Variants in CHST12 observed in about 807,000 individuals in gnomAD.
CHST12 encodes the protein carbohydrate sulfotransferase 12, also known as carbohydrate (chondroitin 4) sulfotransferase 12.
In CHST12, 23 loss-of-function variants were observed where a neutral mutation model predicts 27.9. The observed-to-expected ratio is 0.82, with a 90% confidence interval of 0.59 to 1.17. CHST12 has a LOEUF of 1.17. Among genes scored for constraint, CHST12 ranks in the 50% most tolerant of loss-of-function variants. CHST12 has a pLI of 0.00. For missense variants in CHST12, 682 were observed against 603.0 expected (o/e 1.13, Z -1.37); for synonymous variants, 322 against 273.0 (o/e 1.18, Z -1.77).
At chr7:2,405,140 T>G (rs1253404612) in intron 1 of CHST12, among the ~76,000 whole-genome samples, 1 of 151,952 alleles carries the variant, frequency 6.6e-6, no homozygotes, top group Non-Finnish European at 1.5e-5. Context: ...GTTTGAGGAT[T>G]GGGTTGGAAG....
chr7:2,426,133 G>A (rs1438399618), intron 1 of CHST12, among the ~76,000 whole-genome samples: 2 of 152,162 alleles, frequency 1.3e-5, no homozygotes, highest in Admixed American at 6.6e-5. Context: ...CTGTGGGGAC[G>A]AATATTCAGG....
At chr7:2,425,594 G>A (rs1459263421) in intron 1 of CHST12, among the ~76,000 whole-genome samples, 1 of 152,176 alleles carries the variant, frequency 6.6e-6, no homozygotes, top group African/African-American at 2.4e-5. Context: ...GTGAGCACAG[G>A]TGGTGAGTCA....
chr7:2,404,749 G>A (rs1781478434), intron 1 of CHST12, among the ~76,000 whole-genome samples: 1 of 152,258 alleles, frequency 6.6e-6, no homozygotes, highest in Admixed American at 6.5e-5. Context: ...GCCTGGAATG[G>A]CATAGATGTT....
At chr7:2,405,466 C>T (rs1247863530) in intron 1 of CHST12, among the ~76,000 whole-genome samples, 1 of 152,104 alleles carries the variant, frequency 6.6e-6, no homozygotes, top group African/African-American at 2.4e-5. Flanking sequence ...TCTGATTGTG[C>T]AGGGGCCTGA....
intron 1 of CHST12, among the ~76,000 whole-genome samples, chr7:2,423,781 C>G (rs1782037978): frequency 6.6e-6 from 1 of 152,182 alleles, no homozygotes; most frequent in Non-Finnish European, 1.5e-5. Context: ...ATTACTCTTG[C>G]CATTGAAAAA....
intron 1 of CHST12, among the ~76,000 whole-genome samples, chr7:2,414,152 T>C (rs1264413715): frequency 1.3e-5 from 2 of 152,230 alleles, no homozygotes; most frequent in East Asian, 3.8e-4. Flanking sequence ...TGCTTATTTT[T>C]TAATTGGGTT....
chr7:2,415,171 C>T (rs1240955259), intron 1 of CHST12, among the ~76,000 whole-genome samples: 2 of 152,116 alleles, frequency 1.3e-5, no homozygotes, highest in Admixed American at 6.6e-5. Context: ...TCAAGACCAG[C>T]CTGGCCAACA....
intron 1 of CHST12, among the ~76,000 whole-genome samples, chr7:2,405,092 G>C (rs1328030546): frequency 1.3e-5 from 2 of 152,170 alleles, no homozygotes. Flanking sequence ...GTGATGTTTG[G>C]GGGAGATGGT....
rs935145467 is a variant in CHST12, at chr7:2,437,793, C to G, written c.*3909C>G. 3 of 152,244 alleles carry G rather than the reference C, an allele frequency of 2.0e-5. No homozygotes were observed. The highest frequency in any genetic ancestry group is 4.4e-5 in the Non-Finnish European group (3 of 68,134). 9.4% of individuals were successfully genotyped at this position (152,244 alleles called of 1,614,324 possible). A position where few individuals can be genotyped will look rare whatever the true frequency, so the allele number is the denominator to read the frequency against. ...ACACATCGGGATATTTTTCTTGTTT[C>G]CTTCTTCCAGAGGGTGTAGGAGTTG... On this transcript the variant is annotated 3_prime_UTR_variant, in exon 2 of 2. Transcript: ENST00000618655.
chr7:2,440,796 G>A lies in CHST12; in HGVS notation c.*6912G>A, dbSNP rs1035492970. ...AAAGATCTGGAGGTTGCACAATCCT[G>A]TGTCATTCTGGATTTATCTTGGGGT... On this transcript the variant is annotated 3_prime_UTR_variant, in exon 2 of 2. Coordinates refer to ENST00000618655, the MANE Select transcript of CHST12 (RefSeq NM_018641.5). The A allele has an allele frequency of 1.3e-5, 2 of 152,222 alleles. No homozygotes were observed. The highest frequency in any genetic ancestry group is 2.1e-4 in the South Asian group (1 of 4,826). The allele number at this position is 152,222 out of a possible 1,614,324, so 9.4% of individuals were successfully genotyped here.
chr7:2,423,271 TC>T (rs1782023151), intron 1 of CHST12, among the ~76,000 whole-genome samples: 1 of 151,488 alleles, frequency 6.6e-6, no homozygotes, highest in Non-Finnish European at 1.5e-5. Flanking sequence ...AGACTCCATC[TC>T]AAAAAAAATA....
At position 2,441,348 on chromosome 7, in the gene CHST12, A is replaced by C. The variant is rs1000746453; in HGVS notation, c.*7464A>C. On this transcript the variant is annotated 3_prime_UTR_variant, in exon 2 of 2. Transcript: ENST00000618655. Reference sequence around the variant, plus strand: ...TGGGCTGGAGTTCATCTTTTAGGCAAATTTGGAATAGGAACCTTAAAAATG... The same window carrying C: ...TGGGCTGGAGTTCATCTTTTAGGCACATTTGGAATAGGAACCTTAAAAATG... 3 of 152,140 alleles carry C rather than the reference A, an allele frequency of 2.0e-5. No individual in the cohort carries two copies. The highest frequency in any genetic ancestry group is 7.2e-5 in the African/African-American group (3 of 41,430). The allele number at this position is 152,140 out of a possible 1,614,324, so 9.4% of individuals were successfully genotyped here.
At chr7:2,415,458 T>C (rs1004405816) in intron 1 of CHST12, among the ~76,000 whole-genome samples, 1 of 152,212 alleles carries the variant, frequency 6.6e-6, no homozygotes, top group African/African-American at 2.4e-5. Context: ...ATACGTTAAT[T>C]TAAAAATATT....
At chr7:2,409,583 C>T (rs1352819295) in intron 1 of CHST12, among the ~76,000 whole-genome samples, 1 of 150,638 alleles carries the variant, frequency 6.6e-6, no homozygotes, top group East Asian at 2.0e-4. Context: ...AGCCATCACA[C>T]TCCACTCTAG....
In CHST12 at chr7:2,441,328, T is replaced by A. The variant is rs1486945618; in HGVS notation, c.*7444T>A. 2.0e-5 allele frequency: 3 copies of A among 152,230 alleles called. No homozygotes were observed. In the East Asian group the frequency reaches 5.8e-4, roughly 29 times the overall value. 9.4% of individuals were successfully genotyped at this position (152,230 alleles called of 1,614,324 possible). ...CAGCCTAGGTCTCCTGCCCCTGGGC[T>A]GGAGTTCATCTTTTAGGCAAATTTG... is the stretch of plus-strand genomic sequence containing the variant. On this transcript the variant is annotated 3_prime_UTR_variant, in exon 2 of 2. Coordinates refer to ENST00000618655, the MANE Select transcript of CHST12 (RefSeq NM_018641.5).
In CHST12 at chr7:2,432,886, C is replaced by G; in HGVS notation, c.247C>G (p.Leu83Val). Reference sequence around the variant, plus strand: ...CAGTGCTGGCGTGAAGCAGAGCGACCTTCCCAGAAAGGAGACGGAGCAGCC... The same window carrying G: ...CAGTGCTGGCGTGAAGCAGAGCGACGTTCCCAGAAAGGAGACGGAGCAGCC... ...FLSAGVKQSD[L>V]PRKETEQPPA... Residue 83 changes from leucine to valine, a missense_variant, in exon 2 of 2, where the codon CTT becomes GTT. Coordinates refer to ENST00000618655, the MANE Select transcript of CHST12 (RefSeq NM_018641.5). The G allele has an allele frequency of 6.2e-7, 1 of 1,613,562 alleles. No homozygotes were observed. The highest frequency in any genetic ancestry group is 8.5e-7 in the Non-Finnish European group (1 of 1,179,880).
chr7:2,412,581 C>T (rs1224347163), intron 1 of CHST12, among the ~76,000 whole-genome samples: 1 of 152,202 alleles, frequency 6.6e-6, no homozygotes, highest in East Asian at 1.9e-4. Context: ...GAAGAAGCTA[C>T]TTCCCTCAGC....
chr7:2,433,053 C>T lies in CHST12; in HGVS notation c.414C>T (p.Ala138=). The part of the protein sequence containing the change: ...LRGFCANSSL[A]FPTKERAFDD... ...GCTTCTGCGCCAACTCCAGCCTGGCCTTCCCCACCAAGGAGCGCGCATTCG... is the reference window on the plus strand; with the variant it reads ...GCTTCTGCGCCAACTCCAGCCTGGCTTTCCCCACCAAGGAGCGCGCATTCG... The change falls in exon 2 of 2, where the codon GCC becomes GCT. Residue 138 remains alanine, a synonymous_variant. Transcript: ENST00000618655. This position sits in a 1 kb window ranked among gnomAD's most constrained non-coding sequence, Gnocchi z 6.1. 12 of 1,611,976 alleles carry T rather than the reference C, an allele frequency of 7.4e-6. No individual in the cohort carries two copies. Among genetic ancestry groups the T allele is most frequent in the Non-Finnish European group, 1.0e-5 (12 of 1,179,670 alleles).
chr7:2,426,415 C>T (rs1055886512), intron 1 of CHST12, among the ~76,000 whole-genome samples: 1 of 152,164 alleles, frequency 6.6e-6, no homozygotes, highest in Non-Finnish European at 1.5e-5. Flanking sequence ...AGTAATTAAA[C>T]ATACACACCC....
Sources: gnomAD v4.1 joint callset for allele counts (sites outside exome capture counted in the v4.1 genomes callset) on GRCh38, gnomAD v4.1.1 for gene constraint, Gnocchi (gnomAD v3.1) non-coding constraint, MANE v1.5 for transcripts, NCBI Gene and HGNC (gene_info 2026-07-23, HGNC 2026-07-21) for gene names.